PSPC1: variants seen among roughly 807,000 people sequenced by gnomAD.
PSPC1 encodes paraspeckle component 1, also known as paraspeckle protein 1.
PSPC1 carries 14 observed loss-of-function variants against 51.6 expected under a neutral mutation model. The ratio of observed to expected loss-of-function variants is 0.27; its 90% confidence interval spans 0.18 to 0.42. The LOEUF (loss-of-function observed/expected upper bound fraction) is 0.42. PSPC1 is among the 10% of genes least tolerant of loss of function. The probability of loss-of-function intolerance (pLI) is 1.00; values close to 1 mark genes in which losing one functional copy is unlikely to be tolerated. For missense variants in PSPC1, 406 were observed against 701.1 expected, an observed-to-expected ratio of 0.58 and a Z score of 4.75; for synonymous variants, 193 against 231.9, an observed-to-expected ratio of 0.83 and a Z score of 1.53.
At chr13:19,777,106 C>G (rs9508885) in intron 1 of PSPC1, among the ~76,000 whole-genome samples, 3 of 127,400 alleles carry the variant, frequency 2.4e-5, no homozygotes, top group South Asian at 2.6e-4. Context: ...TGGGTGACAG[C>G]GAGGCTCCAT....
chr13:19,733,360 G>A (rs1258137812), intron 5 of PSPC1, among the ~76,000 whole-genome samples: 3 of 152,104 alleles, frequency 2.0e-5, no homozygotes, highest in African/African-American at 7.2e-5. Flanking sequence ...GAATTTGGTG[G>A]CTCACACCTG....
In PSPC1 at chr13:19,769,072, A is replaced by AGAGG. The variant is rs1365221257; in HGVS notation, c.674+3166_674+3169dup. On this transcript the variant is annotated intron_variant, in intron 2 of 8. Coordinates refer to ENST00000338910, the MANE Select transcript of PSPC1 (RefSeq NM_001354909.2). ...CAATAATCACTTGAACTCGGGAGGC[A>AGAGG]GAGGTTGTAGCAGCCGACATGGAAC... Among the ~76,000 whole-genome samples the AGAGG allele has an allele frequency of 2.7e-5, 4 of 150,800 alleles. 1 individual carries two copies. Among genetic ancestry groups the AGAGG allele is most frequent in the African/African-American group, 7.4e-5 (3 of 40,762 alleles).
At chr13:19,779,358 C>T (rs1889614063) in intron 1 of PSPC1, among the ~76,000 whole-genome samples, 1 of 114,596 alleles carries the variant, frequency 8.7e-6, no homozygotes, top group South Asian at 3.4e-4. Context: ...CCCGGCCAGC[C>T]GTGCCGTCCG....
chr13:19,719,417 G>A (rs2078158697), intron 6 of PSPC1, among the ~76,000 whole-genome samples: 1 of 152,126 alleles, frequency 6.6e-6, no homozygotes, highest in African/African-American at 2.4e-5. Context: ...GGATCCTCCT[G>A]CCTCAGGCTC....
intron 4 of PSPC1, among the ~76,000 whole-genome samples, chr13:19,745,499 T>C (rs868114394): frequency 2.6e-5 from 4 of 152,300 alleles, no homozygotes; most frequent in South Asian, 4.1e-4. Context: ...GCACAAGTCA[T>C]GAAAACTGAA....
intron 2 of PSPC1, among the ~76,000 whole-genome samples, chr13:19,771,013 T>C (rs986422572): frequency 1.3e-5 from 2 of 152,184 alleles, no homozygotes; most frequent in African/African-American, 2.4e-5. Flanking sequence ...CACTGCAACT[T>C]TGACCTCCTG....
downstream of PSPC1, among the ~76,000 whole-genome samples, chr13:19,698,919 GA>G (rs906406723): frequency 2.6e-5 from 4 of 151,330 alleles, no homozygotes; most frequent in Non-Finnish European, 5.9e-5. Flanking sequence ...TCATAAAATA[GA>G]AAAAACACAT....
In PSPC1 at chr13:19,703,364, T is replaced by C. The variant is rs1381249583; in HGVS notation, c.1387-4A>G. On this transcript the variant is annotated splice_polypyrimidine_tract_variant and splice_region_variant and intron_variant, in intron 8 of 8. Coordinates refer to ENST00000338910, the MANE Select transcript of PSPC1 (RefSeq NM_001354909.2). ...CTTGAGGAAATCTGTCATTGTGCTA[T>C]GATACCACACAATAAGGAATAGAAT... 5.1e-6 allele frequency: 8 copies of C among 1,582,184 alleles called. No homozygotes were observed. The highest frequency in any genetic ancestry group is 3.4e-5 in the Admixed American group (2 of 59,360).
At chr13:19,732,477 C>G (rs1884238308) in intron 5 of PSPC1, among the ~76,000 whole-genome samples, 1 of 152,114 alleles carries the variant, frequency 6.6e-6, no homozygotes, top group African/African-American at 2.4e-5. Context: ...TCAGTGGGAT[C>G]TGGGGCAGCA....
At chr13:19,702,312 C>A (rs1038463277), downstream of PSPC1, among the ~76,000 whole-genome samples, 1 of 152,162 alleles carries the variant, frequency 6.6e-6, no homozygotes, top group Non-Finnish European at 1.5e-5. Flanking sequence ...TAATTCACCA[C>A]AAATCACACA....
downstream of PSPC1, among the ~76,000 whole-genome samples, chr13:19,699,143 A>G (rs1879611464): frequency 6.6e-6 from 1 of 151,980 alleles, no homozygotes; most frequent in Admixed American, 6.6e-5. Context: ...AAGGAAACAA[A>G]AACAAATTCA....
chr13:19,732,140 T>C lies in PSPC1; in HGVS notation c.1053-1796A>G, dbSNP rs534458881. ...ACTCAGAACTTCATGTCAGACAACA[T>C]GAACAAAAATGTTCCTAAGGGATTT... On this transcript the variant is annotated intron_variant, in intron 5 of 8. Transcript: ENST00000338910. Among the ~76,000 whole-genome samples, 519 of 152,340 alleles carry C rather than the reference T, an allele frequency of 3.4e-3. 4 individuals are homozygous for C. The highest frequency in any genetic ancestry group is 0.012 in the African/African-American group (505 of 41,586).
rs762417693 is a variant in PSPC1, at chr13:19,738,402, G to A, written c.1052+3163C>T. Among the ~76,000 whole-genome samples, 10 of 152,000 alleles carry A rather than the reference G, an allele frequency of 6.6e-5. No individual in the cohort carries two copies. In the East Asian group the frequency reaches 1.2e-3, roughly 18 times the overall value. On this transcript the variant is annotated intron_variant, in intron 5 of 8. Transcript: ENST00000338910. ...CTCCCTGACATATGGTGTAGTATTC[G>A]CATATAACCTATGCACATCCTCCTA...
In PSPC1 at chr13:19,752,664, C is replaced by A. The variant is rs543232271; in HGVS notation, c.771-1197G>T. Among the ~76,000 whole-genome samples, 4 of 152,156 alleles carry A rather than the reference C, an allele frequency of 2.6e-5. No homozygotes were observed. The South Asian group carries it at 8.3e-4, about 32-fold the overall frequency. ...GCAATGGTATAATCTCAGCTCACTGCAACCTTCGCCTCCCGGGTTCGCACC... is the reference window on the plus strand; with the variant it reads ...GCAATGGTATAATCTCAGCTCACTGAAACCTTCGCCTCCCGGGTTCGCACC... On this transcript the variant is annotated intron_variant, in intron 3 of 8. Transcript: ENST00000338910.
intron 6 of PSPC1, among the ~76,000 whole-genome samples, chr13:19,685,920 T>G (rs1396447514): frequency 6.6e-6 from 1 of 152,236 alleles, no homozygotes; most frequent in East Asian, 1.9e-4. Context: ...TCCAGAGCTT[T>G]TGTCATTAAT....
At chr13:19,710,396 T>A (rs1260745369) in intron 6 of PSPC1, among the ~76,000 whole-genome samples, 1 of 152,132 alleles carries the variant, frequency 6.6e-6, no homozygotes, top group East Asian at 1.9e-4. Context: ...CAAGATAACA[T>A]AGGAAAATTG....
intron 1 of PSPC1, among the ~76,000 whole-genome samples, chr13:19,777,098 G>C (rs1307917110): frequency 7.3e-6 from 1 of 137,000 alleles, no homozygotes; most frequent in Admixed American, 8.1e-5. Flanking sequence ...CTCCAGCCTG[G>C]GTGACAGCGA....
downstream of PSPC1, chr13:19,671,815 C>T (rs1427464924): frequency 3.1e-6 from 5 of 1,613,260 alleles, no homozygotes; most frequent in South Asian, 3.3e-5. Context: ...CTGACACCTG[C>T]GTTCTTTTCT....
intron 5 of PSPC1, among the ~76,000 whole-genome samples, chr13:19,732,453 A>G (rs950494358): frequency 1.3e-5 from 2 of 152,346 alleles, no homozygotes; most frequent in South Asian, 4.1e-4. Flanking sequence ...TATACTAATA[A>G]TATACTTATA....
Sources: gnomAD v4.1 joint callset for allele counts (sites outside exome capture counted in the v4.1 genomes callset) on GRCh38, gnomAD v4.1.1 for gene constraint, MANE v1.5 for transcripts, NCBI Gene and HGNC (gene_info 2026-07-23, HGNC 2026-07-21) for gene names.